The following ZNF93 variants were observed in gnomAD, a reference collection of about 807,000 sequenced individuals.
ZNF93 encodes the protein zinc finger protein 93.
A neutral mutation model predicts 45.0 loss-of-function variants in ZNF93; 29 were observed. The observed-to-expected ratio is 0.64, with a 90% CI of 0.48 to 0.88. The LOEUF (loss-of-function observed/expected upper bound fraction) is 0.88. Ranked by LOEUF, ZNF93 falls within the 40% of genes least tolerant of loss-of-function variation. ZNF93 has a pLI of 0.00. For missense variants in ZNF93, 578 were observed against 724.0 expected, an observed-to-expected ratio of 0.80 and a Z score of 2.31; for synonymous variants, 223 against 244.6, an observed-to-expected ratio of 0.91 and a Z score of 0.82.
chr19:19,932,117 C>G (rs1463902917), intron 3 of ZNF93: 2 of 221,648 alleles, frequency 9.0e-6, no homozygotes, highest in African/African-American at 4.8e-5. Flanking sequence ...TACTAAAATA[C>G]AAAAAATTAG....
intron 3 of ZNF93, among the ~76,000 whole-genome samples, chr19:19,920,016 C>T (rs868540537): frequency 1.3e-5 from 2 of 152,120 alleles, no homozygotes; most frequent in African/African-American, 4.8e-5. Flanking sequence ...AGAGGGCATC[C>T]CTGTCTTGTG....
At chr19:19,912,804 G>T (rs1317459880) in intron 1 of ZNF93, among the ~76,000 whole-genome samples, 1 of 152,204 alleles carries the variant, frequency 6.6e-6, no homozygotes, top group East Asian at 1.9e-4. Context: ...CTCCCCGGGT[G>T]TTAAGAGAAT....
intron 3 of ZNF93, among the ~76,000 whole-genome samples, chr19:19,929,600 C>T (rs552678750): frequency 1.2e-3 from 179 of 152,270 alleles, no homozygotes; most frequent in Non-Finnish European, 2.0e-3. Flanking sequence ...AACGTAGGCA[C>T]CAGCCCCACA....
chr19:19,906,507 T>C (rs1309978054), intron 1 of ZNF93, among the ~76,000 whole-genome samples: 1 of 152,186 alleles, frequency 6.6e-6, no homozygotes, highest in Non-Finnish European at 1.5e-5. Context: ...CAGTTTCTTT[T>C]GCTGTGAAAA....
intron 1 of ZNF93, among the ~76,000 whole-genome samples, chr19:19,904,734 A>G (rs1434909048): frequency 1.3e-5 from 2 of 152,184 alleles, no homozygotes; most frequent in Non-Finnish European, 2.9e-5. Context: ...GCTCTCCTCT[A>G]CACAGGCTGT....
rs2063268118 is a variant in ZNF93 at position 19,900,959 on chromosome 19, GC to G, written c.-128del. 6.8e-7 allele frequency: 1 copy of G among 1,476,592 alleles called. No individual in the cohort carries two copies. Among genetic ancestry groups the G allele is most frequent in the African/African-American group, 1.4e-5 (1 of 71,340 alleles). 91.5% of individuals were successfully genotyped at this position (1,476,592 alleles called of 1,614,324 possible). ...GGCGGGTCCTTTGTCTCTCGGTGCA[GC>G]CGGAGCTCCAGGTCTCCTCTTCACT... is the stretch of plus-strand genomic sequence containing the variant. On this transcript the variant is annotated 5_prime_UTR_variant, in exon 1 of 4. Coordinates refer to ENST00000343769, the MANE Select transcript of ZNF93 (RefSeq NM_031218.4).
intron 1 of ZNF93, among the ~76,000 whole-genome samples, chr19:19,910,764 G>A (rs568660723): frequency 6.8e-4 from 103 of 151,896 alleles, no homozygotes; most frequent in African/African-American, 2.4e-3. Context: ...AGGATGCAGA[G>A]CCAGGTGGAT....
intron 3 of ZNF93, among the ~76,000 whole-genome samples, chr19:19,928,140 T>C (rs2063361717): frequency 6.6e-6 from 1 of 152,224 alleles, no homozygotes; most frequent in African/African-American, 2.4e-5. Flanking sequence ...TGTTTTTGTA[T>C]CATTCAAGAA....
intron 2 of ZNF93, among the ~76,000 whole-genome samples, chr19:19,915,679 A>G (rs1269438317): frequency 6.6e-6 from 1 of 152,044 alleles, no homozygotes; most frequent in Non-Finnish European, 1.5e-5. Flanking sequence ...CATCTCTACT[A>G]AAAATACAAA....
At chr19:19,930,702 T>A (rs1372896390) in intron 3 of ZNF93, among the ~76,000 whole-genome samples, 3 of 152,190 alleles carry the variant, frequency 2.0e-5, no homozygotes, top group African/African-American at 7.2e-5. Flanking sequence ...ATGGCCTGGC[T>A]TTTCCTAGGT....
At chr19:19,916,394 G>A (rs1212717598) in intron 2 of ZNF93, among the ~76,000 whole-genome samples, 166 bp from the exon 3 acceptor site, 2 of 151,954 alleles carry the variant, frequency 1.3e-5, no homozygotes, top group African/African-American at 2.4e-5. Context: ...CACTGCACCC[G>A]GCAAATTGAA....
At position 19,901,311 on chromosome 19, in the gene ZNF93, C is replaced by T. The variant is rs554286932; in HGVS notation, c.3+220C>T. The stretch of plus-strand genomic sequence containing the variant: ...TCTCTTCACTGTGCGGTGACTGTGC[C>T]CTGGCTTGGAGCCCTCGCTGGGCAG... On this transcript the variant is annotated intron_variant, in intron 1 of 3. Transcript: ENST00000343769. Among the ~76,000 whole-genome samples the T allele has an allele frequency of 6.6e-5, 10 of 152,288 alleles. No homozygotes were observed. In the South Asian group the frequency reaches 2.1e-3, roughly 32 times the overall value.
intron 3 of ZNF93, among the ~76,000 whole-genome samples, chr19:19,925,253 C>G (rs1017088300): frequency 2.6e-5 from 4 of 152,176 alleles, no homozygotes; most frequent in African/African-American, 9.7e-5. Context: ...TTTCACAACT[C>G]CCTCCCCGGA....
At chr19:19,923,391 C>CTA (rs375192830) in intron 3 of ZNF93, among the ~76,000 whole-genome samples, 3 of 152,288 alleles carry the variant, frequency 2.0e-5, no homozygotes, top group African/African-American at 7.2e-5. Flanking sequence ...GGTCAGGGAC[C>CTA]CACTTGAATA....
intron 1 of ZNF93, chr19:19,909,115 G>T (rs1258055349): frequency 6.6e-6 from 1 of 152,158 alleles, no homozygotes; most frequent in Non-Finnish European, 1.5e-5. Flanking sequence ...TATCCATGAC[G>T]CCTGCAGGCT....
In ZNF93 at chr19:19,933,385, G is replaced by GTAT. The variant is rs777225513; in HGVS notation, c.432_434dup (p.Val144_Phe145insLeu). 2.5e-6 allele frequency: 4 copies of GTAT among 1,599,020 alleles called. No homozygotes were observed. The Admixed American group carries it at 7.1e-5, about 28-fold the overall frequency. On this transcript the variant is annotated inframe_insertion, in exon 4 of 4. Coordinates refer to ENST00000343769, the MANE Select transcript of ZNF93 (RefSeq NM_031218.4). ...GTGTAGTACAACTACCCAGAGCAAA[G>GTAT]TATTTCAATGTGATAAATATGGGAA...
At chr19:19,931,213 G>T (rs1178406490) in intron 3 of ZNF93, among the ~76,000 whole-genome samples, 1 of 151,138 alleles carries the variant, frequency 6.6e-6, no homozygotes, top group East Asian at 1.9e-4. Context: ...TTTTGAGATG[G>T]AGTTTCACTC....
At chr19:19,930,147 C>T (rs949364253) in intron 3 of ZNF93, among the ~76,000 whole-genome samples, 5 of 151,972 alleles carry the variant, frequency 3.3e-5, no homozygotes, top group Non-Finnish European at 7.4e-5. Context: ...GGTAAGGTCA[C>T]GTGGGTCACG....
In ZNF93 at chr19:19,933,670, A is replaced by T. The variant is rs761995948; in HGVS notation, c.715A>T (p.Ile239Phe). 1 of 1,612,462 alleles carries T rather than the reference A, an allele frequency of 6.2e-7. No homozygotes were observed. Among genetic ancestry groups the T allele is most frequent in the East Asian group, 2.2e-5 (1 of 44,834 alleles). The change falls in exon 4 of 4, where the codon ATT (isoleucine) becomes TTT (phenylalanine). Residue 239 changes from isoleucine (I) to phenylalanine (F), a missense_variant. By Grantham distance (21) the Ile-to-Phe change is conservative. Around this residue, in one of 3 missense-constraint regions of ZNF93, gnomAD observed 446 missense variants for 547.6 expected, o/e 0.81. Coordinates refer to ENST00000343769, the MANE Select transcript of ZNF93 (RefSeq NM_031218.4). ...GTGTGATAAATGTGACAAAGCCTTT[A>T]TTGCATCCTCAACCCTTAGTAAACA... Reference protein sequence around the residue: ...YKCDKCDKAFIASSTLSKHEI... With the variant: ...YKCDKCDKAFFASSTLSKHEI...
Sources: allele counts gnomAD v4.1 joint callset (sites outside exome capture counted in the v4.1 genomes callset), GRCh38; gene constraint gnomAD v4.1.1; regional missense constraint gnomAD v4.1.1; transcripts MANE v1.5; gene names NCBI Gene and HGNC (gene_info 2026-07-23, HGNC 2026-07-21).